Variants in TGM6 observed in about 807,000 individuals in gnomAD.
TGM6 encodes protein-glutamine gamma-glutamyltransferase 6.
Under a neutral mutation model 77.5 loss-of-function variants are expected in TGM6, and 74 were observed. The ratio of observed to expected loss-of-function variants is 0.96; its 90% CI spans 0.79 to 1.16. The LOEUF (loss-of-function observed/expected upper bound fraction) is 1.16, where lower values mean the gene tolerates loss of function less well. TGM6 is among the 50% of genes most tolerant of loss of function. The pLI, the probability that TGM6 is intolerant of heterozygous loss-of-function variation, is 0.00. For missense variants in TGM6, 968 were observed against 940.2 expected, an observed-to-expected ratio of 1.03 and a Z score of -0.39; for synonymous variants, 383 against 378.9, an observed-to-expected ratio of 1.01 and a Z score of -0.12.
chr20:2,395,212 C>A lies in TGM6; in HGVS notation c.200C>A (p.Ala67Asp). The change falls in exon 3 of 13, where the codon GCC (alanine) becomes GAC (aspartate). Residue 67 changes from alanine to aspartate, a missense_variant. By Grantham distance (126) the Ala-to-Asp change is moderately radical (BLOSUM62 -2). Coordinates refer to ENST00000202625, the MANE Select transcript of TGM6 (RefSeq NM_198994.3). The stretch of plus-strand genomic sequence containing the variant: ...CCTCCAGGACCCCGGGCTTCTGAGG[C>A]CCTCCACACCAAAGCTGTGTTCCAG... Reference protein sequence around the residue: ...TMETGPRASEALHTKAVFQTS... With the variant: ...TMETGPRASEDLHTKAVFQTS... The A allele has an allele frequency of 6.2e-7, 1 of 1,613,702 alleles. No homozygotes were observed. The highest frequency in any genetic ancestry group is 8.5e-7 in the Non-Finnish European group (1 of 1,180,014).
At position 2,380,903 on chromosome 20, in the gene TGM6, G is replaced by A. The variant is rs764830062; in HGVS notation, c.-66G>A. 4.7e-5 allele frequency: 74 copies of A among 1,586,962 alleles called. No individual in the cohort carries two copies. Among genetic ancestry groups the A allele is most frequent in the Middle Eastern group, 2.2e-4 (1 of 4,566 alleles). On this transcript the variant is annotated 5_prime_UTR_variant, in exon 1 of 13. Transcript: ENST00000202625. The stretch of plus-strand genomic sequence containing the variant: ...TTGGTCTGGCTGGCTGCTGTGACGC[G>A]CCACACTGTCCTGACGGTGCACACA...
chr20:2,419,754 G>T (rs1205284836), intron 10 of TGM6, among the ~76,000 whole-genome samples: 2 of 152,032 alleles, frequency 1.3e-5, no homozygotes, highest in African/African-American at 2.4e-5. Context: ...TAAATAAATA[G>T]AATTTAACAG....
chr20:2,388,238 T>G (rs112974703), intron 1 of TGM6, among the ~76,000 whole-genome samples: 1,715 of 152,324 alleles, frequency 0.011, 19 homozygotes, highest in Non-Finnish European at 0.017. Flanking sequence ...TGCTGTTAAC[T>G]AAAAGATTTT....
chr20:2,411,793 C>G (rs1351981551), intron 9 of TGM6, among the ~76,000 whole-genome samples: 2 of 152,000 alleles, frequency 1.3e-5, no homozygotes, highest in African/African-American at 2.4e-5. Context: ...AATGTGAGAG[C>G]TAAAATTATA....
intron 1 of TGM6, among the ~76,000 whole-genome samples, chr20:2,392,995 C>G (rs547851379): frequency 1.3e-4 from 20 of 152,324 alleles, no homozygotes; most frequent in African/African-American, 4.8e-4. Flanking sequence ...AACCATTGAG[C>G]CATACAGTCT....
intron 9 of TGM6, among the ~76,000 whole-genome samples, chr20:2,411,861 G>T (rs73071399): frequency 0.014 from 2,079 of 152,278 alleles, 25 homozygotes; most frequent in Middle Eastern, 0.041. Context: ...TGGCACTGAT[G>T]TCTTGAATAT....
At chr20:2,425,831 T>C (rs1413285018) in intron 10 of TGM6, among the ~76,000 whole-genome samples, 2 of 152,210 alleles carry the variant, frequency 1.3e-5, no homozygotes, top group Non-Finnish European at 2.9e-5. Flanking sequence ...CATCACCTTA[T>C]ACATTTATCT....
chr20:2,424,993 G>A (rs1325930775), intron 10 of TGM6, among the ~76,000 whole-genome samples: 1 of 152,088 alleles, frequency 6.6e-6, no homozygotes, highest in Non-Finnish European at 1.5e-5. Flanking sequence ...ATCTTACAGG[G>A]CATGGTTTGT....
intron 1 of TGM6, among the ~76,000 whole-genome samples, chr20:2,390,264 T>C (rs573786014): frequency 6.6e-6 from 1 of 152,344 alleles, no homozygotes; most frequent in East Asian, 1.9e-4. Flanking sequence ...TCATCATTCA[T>C]AATACGGGGA....
intron 10 of TGM6, among the ~76,000 whole-genome samples, chr20:2,418,842 C>A (rs2084835985): frequency 6.6e-6 from 1 of 151,628 alleles, no homozygotes; most frequent in South Asian, 2.1e-4. Context: ...TTTGGGAGGC[C>A]AAGGCGGGTG....
intron 10 of TGM6, among the ~76,000 whole-genome samples, chr20:2,419,952 T>C (rs2084844498): frequency 6.6e-6 from 1 of 152,144 alleles, no homozygotes; most frequent in African/African-American, 2.4e-5. Context: ...ATCACAAAAG[T>C]GAAATTCTTG....
chr20:2,425,498 G>A (rs2122430398), intron 10 of TGM6, among the ~76,000 whole-genome samples: 1 of 152,254 alleles, frequency 6.6e-6, no homozygotes, highest in South Asian at 2.1e-4. Context: ...ATGAAGCACA[G>A]TAAAATAAGG....
intron 11 of TGM6, 113 bp downstream of exon 11, chr20:2,430,713 C>T (rs954293701): frequency 1.3e-6 from 2 of 1,594,458 alleles, no homozygotes. Flanking sequence ...CTTTAGCTCT[C>T]CAGGGTGGGA....
intron 10 of TGM6, among the ~76,000 whole-genome samples, chr20:2,427,017 G>A (rs2084892337): frequency 6.6e-6 from 1 of 152,128 alleles, no homozygotes; most frequent in African/African-American, 2.4e-5. Context: ...CTCATAGAAT[G>A]AATCAGGAAG....
At chr20:2,396,123 T>C (rs2084663905) in intron 3 of TGM6, among the ~76,000 whole-genome samples, 1 of 146,572 alleles carries the variant, frequency 6.8e-6, no homozygotes, top group Non-Finnish European at 1.5e-5. Flanking sequence ...GAGGTTGCAG[T>C]GAGCCAAGAT....
At position 2,403,800 on chromosome 20, in the gene TGM6, C is replaced by G. The variant is rs2084730535; in HGVS notation, c.1313C>G (p.Thr438Ser). 2 of 1,614,088 alleles carry G rather than the reference C, an allele frequency of 1.2e-6. No homozygotes were observed. The highest frequency in any genetic ancestry group is 2.7e-5 in the African/African-American group (2 of 74,946). Residue 438 changes from threonine (T) to serine (S), a missense_variant, in exon 9 of 13, where the codon ACT becomes AGT. Physicochemically the swap from Thr to Ser is moderately conservative, Grantham distance 58 (BLOSUM62 1). Coordinates refer to ENST00000202625, the MANE Select transcript of TGM6 (RefSeq NM_198994.3). ...GGCAGTGACTCCCGCGTGGACATCA[C>G]TGACCTCTACAAGTATCCGGAAGGT... ...AVGSDSRVDI[T>S]DLYKYPEGSR...
At chr20:2,414,113 GC>G (rs2084800376) in intron 9 of TGM6, among the ~76,000 whole-genome samples, 1 of 152,060 alleles carries the variant, frequency 6.6e-6, no homozygotes, top group Non-Finnish European at 1.5e-5. Flanking sequence ...ACCATGCTTG[GC>G]CCATCCTAGC....
chr20:2,383,368 G>A (rs1182389114), intron 1 of TGM6, among the ~76,000 whole-genome samples: 1 of 152,152 alleles, frequency 6.6e-6, no homozygotes, highest in Non-Finnish European at 1.5e-5. Context: ...TAGGCTTGGG[G>A]GTGGGGATGG....
At chr20:2,420,768 T>C (rs1401406624) in intron 10 of TGM6, among the ~76,000 whole-genome samples, 1 of 152,194 alleles carries the variant, frequency 6.6e-6, no homozygotes, top group Non-Finnish European at 1.5e-5. Flanking sequence ...CAGATTGGCT[T>C]CTTTCACTTA....
Sources: gnomAD v4.1 joint callset for allele counts (sites outside exome capture counted in the v4.1 genomes callset) on GRCh38, gnomAD v4.1.1 for gene constraint, MANE v1.5 for transcripts, NCBI Gene and HGNC (gene_info 2026-07-23, HGNC 2026-07-21) for gene names.